WDR33: variants seen among roughly 807,000 people sequenced by gnomAD.
WDR33 encodes pre-mRNA 3' end processing protein WDR33.
A neutral mutation model predicts 164.9 loss-of-function variants in WDR33; 47 were observed. The ratio of observed to expected loss-of-function variants is 0.29; its 90% CI spans 0.23 to 0.36. The LOEUF is 0.36. Ranked by LOEUF, WDR33 falls within the 10% of genes least tolerant of loss-of-function variation. WDR33 has a pLI of 1.00. For synonymous variants in WDR33, 505 were observed against 589.0 expected (o/e 0.86, Z 2.06); for missense variants, 1,137 against 1,754.1 (o/e 0.65, Z 6.28).
Position 127,715,062 on chromosome 2 carries a change from CTCT to C in WDR33, c.2870-1044_2870-1042del, listed in dbSNP as rs773928242. Among the ~76,000 whole-genome samples, 60 of 151,292 alleles carry C rather than the reference CTCT, an allele frequency of 4.0e-4. 1 individual carries two copies. Among genetic ancestry groups the C allele is most frequent in the Admixed American group, 6.6e-5 (1 of 15,172 alleles). On this transcript the variant is annotated intron_variant, in intron 17 of 21. Transcript: ENST00000322313. ...TCTCACCTCCCCCGCAACAGCATCC[CTCT>C]TCTTTCTTTTCTTTCTTTGTTTCTT...
At chr2:127,782,126 G>A (rs1688392391) in intron 1 of WDR33, among the ~76,000 whole-genome samples, 1 of 151,548 alleles carries the variant, frequency 6.6e-6, no homozygotes, top group Non-Finnish European at 1.5e-5. Context: ...TCAATTTTCA[G>A]CCGGGCGCAG....
chr2:127,788,087 C>T (rs1688665107), intron 1 of WDR33, among the ~76,000 whole-genome samples: 1 of 96,852 alleles, frequency 1.0e-5, no homozygotes, highest in East Asian at 3.1e-4. Flanking sequence ...CCCCACCTCC[C>T]TCCCGGACGG....
In WDR33 at chr2:127,780,483, TTTAA is replaced by T. The variant is rs200237026; in HGVS notation, c.-23-9483_-23-9480del. On this transcript the variant is annotated intron_variant, in intron 1 of 21. Transcript: ENST00000322313. Reference sequence around the variant, plus strand: ...ATGCTCTTTCTCTTCATTGTCCAACTTTAATTAATATGAATCCTGAAAAATCAGG... The same window carrying T: ...ATGCTCTTTCTCTTCATTGTCCAACTTTAATATGAATCCTGAAAAATCAGG... Among the ~76,000 whole-genome samples, 132 of 152,326 alleles carry T rather than the reference TTTAA, an allele frequency of 8.7e-4. 1 individual carries two copies. The East Asian group carries it at 0.024, about 27-fold the overall frequency.
chr2:127,798,779 A>G (rs1426427094), intron 1 of WDR33: 1 of 152,166 alleles, frequency 6.6e-6, no homozygotes, highest in Non-Finnish European at 1.5e-5. Context: ...GTCGTGAAAA[A>G]AAATTCACCA....
intron 1 of WDR33, among the ~76,000 whole-genome samples, chr2:127,781,582 A>C (rs766977755): frequency 6.6e-6 from 1 of 152,148 alleles, no homozygotes; most frequent in Non-Finnish European, 1.5e-5. Flanking sequence ...ACATAAATAG[A>C]ATCTCTGTAT....
At chr2:127,779,878 CTGAGA>C (rs1223932690) in intron 1 of WDR33, among the ~76,000 whole-genome samples, 2 of 152,154 alleles carry the variant, frequency 1.3e-5, no homozygotes. Context: ...TTTTCCCAAA[CTGAGA>C]TAACAGAATT....
intron 7 of WDR33, among the ~76,000 whole-genome samples, chr2:127,748,884 T>TAAA (rs59425653): frequency 7.6e-5 from 8 of 105,020 alleles, no homozygotes; most frequent in East Asian, 5.2e-4. Context: ...AGCTGAAACT[T>TAAA]AAAAAAAAAA....
In WDR33 at chr2:127,709,840, G is replaced by A; in HGVS notation, c.3325C>T (p.Pro1109Ser). 3 of 1,614,094 alleles carry A rather than the reference G, an allele frequency of 1.9e-6. No homozygotes were observed. The highest frequency in any genetic ancestry group is 2.5e-6 in the Non-Finnish European group (3 of 1,180,008). ...RREESFRRGA[P>S]PRHEGRAPPR... The stretch of plus-strand genomic sequence containing the variant: ...GGAGCACGGCCCTCATGCCTCGGCG[G>A]GGCTCCTCTTCTGAAACTGTAAAGA... The change falls in exon 19 of 22, where the codon CCG becomes TCG. Residue 1109 changes from proline (P) to serine (S), a missense_variant. Pro to Ser is a moderately conservative substitution (Grantham distance 74). Around this residue, in one of 9 missense-constraint regions of WDR33, gnomAD observed 867 missense variants for 1,073.0 expected, o/e 0.81. Transcript: ENST00000322313. The surrounding 1 kb of genome is among the most constrained non-coding windows in gnomAD (Gnocchi z 5.0).
At chr2:127,725,989 A>G (rs150719154) in intron 8 of WDR33, among the ~76,000 whole-genome samples, 179 of 152,276 alleles carry the variant, frequency 1.2e-3, no homozygotes, top group African/African-American at 4.1e-3. Flanking sequence ...TGCACAATGG[A>G]TATCTCCAAG....
chr2:127,710,423 A>G lies in WDR33; in HGVS notation c.3309-567T>C, dbSNP rs1686129862. Among the ~76,000 whole-genome samples, 1 of 152,226 alleles carries G rather than the reference A, an allele frequency of 6.6e-6. No individual in the cohort carries two copies. The highest frequency in any genetic ancestry group is 6.5e-5 in the Admixed American group (1 of 15,282). Reference sequence around the variant, plus strand: ...CCTGTCTGTAGGTAGGGGCTCTGCCATCTGCCCCAGCCCACAGCCTCCACC... The same window carrying G: ...CCTGTCTGTAGGTAGGGGCTCTGCCGTCTGCCCCAGCCCACAGCCTCCACC... On this transcript the variant is annotated intron_variant, in intron 18 of 21. Coordinates refer to ENST00000322313, the MANE Select transcript of WDR33 (RefSeq NM_018383.5). This position sits in a 1 kb window ranked among gnomAD's most constrained non-coding sequence, Gnocchi z 4.4.
At chr2:127,740,456 G>A (rs1408436380) in intron 7 of WDR33, among the ~76,000 whole-genome samples, 1 of 152,166 alleles carries the variant, frequency 6.6e-6, no homozygotes, top group South Asian at 2.1e-4. Flanking sequence ...AGTGGCTGAG[G>A]TGGGCTTGAG....
intron 7 of WDR33, among the ~76,000 whole-genome samples, chr2:127,748,042 G>C (rs571166132): frequency 1.2e-3 from 178 of 152,278 alleles, no homozygotes; most frequent in African/African-American, 4.1e-3. Context: ...TCTCTTTCTT[G>C]CTGAATGAGT....
intron 1 of WDR33, among the ~76,000 whole-genome samples, chr2:127,775,816 G>A (rs1207877723): frequency 6.6e-6 from 1 of 151,876 alleles, no homozygotes; most frequent in Non-Finnish European, 1.5e-5. Context: ...TTCCTTGAAT[G>A]ATCAAGTACC....
At position 127,712,961 on chromosome 2, in the gene WDR33, C is replaced by T. The variant is rs1457728939; in HGVS notation, c.3308+622G>A. On this transcript the variant is annotated intron_variant, in intron 18 of 21. Transcript: ENST00000322313. The surrounding 1 kb of genome is among the most constrained non-coding windows in gnomAD (Gnocchi z 4.0). ...TTGTAGAGATGGAGTTACACTATGT[C>T]GTTCAGGCTGTTCTTCAATTCCTGG... 6.6e-6 allele frequency among the ~76,000 whole-genome samples: 1 copy of T among 152,134 alleles called. No individual in the cohort carries two copies. Among genetic ancestry groups the T allele is most frequent in the East Asian group, 1.9e-4 (1 of 5,192 alleles).
Position 127,738,910 on chromosome 2 carries a change from G to A in WDR33, c.725-12133C>T, listed in dbSNP as rs1686936437. 1.3e-5 allele frequency among the ~76,000 whole-genome samples: 2 copies of A among 152,120 alleles called. No homozygotes were observed. Among genetic ancestry groups the A allele is most frequent in the Admixed American group, 1.3e-4 (2 of 15,280 alleles). The stretch of plus-strand genomic sequence containing the variant: ...AATCTTGAAAGTGCTGAAATAGGGG[G>A]AAAAGTTTTGAATCTAGCATTCAAT... On this transcript the variant is annotated intron_variant, in intron 7 of 21. Coordinates refer to ENST00000322313, the MANE Select transcript of WDR33 (RefSeq NM_018383.5). This position sits in a 1 kb window ranked among gnomAD's most constrained non-coding sequence, Gnocchi z 4.4.
chr2:127,777,140 C>T (rs1422917038), intron 1 of WDR33, among the ~76,000 whole-genome samples: 3 of 152,166 alleles, frequency 2.0e-5, no homozygotes, highest in African/African-American at 7.2e-5. Context: ...AACAATACAA[C>T]CAAATTGCTA....
chr2:127,783,696 C>T (rs1000000667), intron 1 of WDR33, among the ~76,000 whole-genome samples: 6 of 145,046 alleles, frequency 4.1e-5, no homozygotes, highest in Non-Finnish European at 9.1e-5. Context: ...CCTCCGCCTC[C>T]TAGGTTCAAG....
chr2:127,734,349 C>T (rs1277200220), intron 7 of WDR33, among the ~76,000 whole-genome samples: 2 of 152,180 alleles, frequency 1.3e-5, no homozygotes, highest in African/African-American at 2.4e-5. Flanking sequence ...AACGTTCCTT[C>T]AGAGTCCTAG....
intron 7 of WDR33, among the ~76,000 whole-genome samples, chr2:127,748,884 TA>T (rs59425653): frequency 0.25 from 26,425 of 104,948 alleles, 2,936 homozygotes; most frequent in African/African-American, 0.38. Context: ...AGCTGAAACT[TA>T]AAAAAAAAAA....
Sources: gnomAD v4.1 joint callset for allele counts (sites outside exome capture counted in the v4.1 genomes callset) on GRCh38, gnomAD v4.1.1 for gene constraint, gnomAD v4.1.1 regional missense constraint, Gnocchi (gnomAD v3.1) non-coding constraint, MANE v1.5 for transcripts, NCBI Gene and HGNC (gene_info 2026-07-23, HGNC 2026-07-21) for gene names.